The following PKP4 variants were observed in gnomAD, a reference collection of about 807,000 sequenced individuals.
PKP4 encodes the protein plakophilin-4.
In PKP4, 90 loss-of-function variants were observed where a neutral mutation model predicts 145.1. The ratio of observed to expected loss-of-function variants is 0.62; its 90% CI spans 0.52 to 0.74. The LOEUF (loss-of-function observed/expected upper bound fraction) is 0.74. PKP4 is among the 30% of genes least tolerant of loss of function. The pLI is 0.00. For missense variants in PKP4, 1,340 were observed against 1,482.7 expected, an observed-to-expected ratio of 0.90 and a Z score of 1.58; for synonymous variants, 563 against 577.2, an observed-to-expected ratio of 0.98 and a Z score of 0.35.
chr2:158,491,816 G>A (rs2105466385), intron 1 of PKP4, among the ~76,000 whole-genome samples: 1 of 151,600 alleles, frequency 6.6e-6, no homozygotes, highest in South Asian at 2.1e-4. Flanking sequence ...TTATTTTTGA[G>A]ACAGGTTCTC....
intron 3 of PKP4, among the ~76,000 whole-genome samples, chr2:158,585,997 A>G (rs1030656635): frequency 6.6e-6 from 1 of 151,594 alleles, no homozygotes; most frequent in African/African-American, 2.4e-5. Flanking sequence ...TATTCTCAAC[A>G]TTTCTAATAA....
At chr2:158,626,972 T>G (rs1167883842) in intron 7 of PKP4, among the ~76,000 whole-genome samples, 1 of 152,206 alleles carries the variant, frequency 6.6e-6, no homozygotes, top group Non-Finnish European at 1.5e-5. Context: ...CATTCTTACA[T>G]AGTAAAATTA....
At chr2:158,657,132 G>T (rs939161442) in intron 11 of PKP4, among the ~76,000 whole-genome samples, 9 of 152,122 alleles carry the variant, frequency 5.9e-5, no homozygotes, top group African/African-American at 7.2e-5. Context: ...GTAGGACTCT[G>T]GGGGGGACTT....
intron 11 of PKP4, among the ~76,000 whole-genome samples, chr2:158,652,491 C>T (rs72942767): frequency 0.049 from 7,516 of 152,226 alleles, 260 homozygotes; most frequent in Middle Eastern, 0.099. Context: ...TCAAGGGCAG[C>T]TGCATAGAGA....
chr2:158,489,577 G>A (rs1415477036), intron 1 of PKP4, among the ~76,000 whole-genome samples: 1 of 152,176 alleles, frequency 6.6e-6, no homozygotes, highest in Middle Eastern at 3.2e-3. Flanking sequence ...GCCCCCTGCA[G>A]CTGCCTTAGC....
chr2:158,542,880 A>G (rs2044647159), intron 2 of PKP4, among the ~76,000 whole-genome samples: 1 of 152,220 alleles, frequency 6.6e-6, no homozygotes, highest in Non-Finnish European at 1.5e-5. Context: ...GTAAGATATG[A>G]GAATCAGTGA....
At chr2:158,566,879 A>C (rs948232919) in intron 2 of PKP4, among the ~76,000 whole-genome samples, 1 of 152,194 alleles carries the variant, frequency 6.6e-6, no homozygotes, top group African/African-American at 2.4e-5. Context: ...TATACATTCT[A>C]CATTTTAGGA....
In PKP4 at chr2:158,674,335, A is replaced by C. The variant is rs550398991; in HGVS notation, c.3127+335A>C. 2.0e-5 allele frequency among the ~76,000 whole-genome samples: 3 copies of C among 152,320 alleles called. No individual in the cohort carries two copies. The East Asian group carries it at 5.8e-4, about 29-fold the overall frequency. On this transcript the variant is annotated intron_variant, in intron 19 of 21. Coordinates refer to ENST00000389759, the MANE Select transcript of PKP4 (RefSeq NM_003628.6). Reference sequence around the variant, plus strand: ...AGTGGAGGGCCACACTTCGAGACGCACTGGGTTATGCCTGAAAGTGGCTGC... The same window carrying C: ...AGTGGAGGGCCACACTTCGAGACGCCCTGGGTTATGCCTGAAAGTGGCTGC...
At chr2:158,467,137 T>C (rs902219853) in intron 1 of PKP4, among the ~76,000 whole-genome samples, 1 of 152,230 alleles carries the variant, frequency 6.6e-6, no homozygotes, top group Non-Finnish European at 1.5e-5. Context: ...AGAAATATTC[T>C]TATACATTTT....
intron 2 of PKP4, among the ~76,000 whole-genome samples, chr2:158,567,422 C>T (rs2047079913): frequency 6.6e-6 from 1 of 152,182 alleles, no homozygotes; most frequent in Non-Finnish European, 1.5e-5. Flanking sequence ...GGTCTTAAAA[C>T]AAGGCTGAGT....
Position 158,590,437 on chromosome 2 carries a change from G to A in PKP4, c.246-12633G>A, listed in dbSNP as rs1434209439. ...TTATTTTAGGATCCTATGATGTGTA[G>A]TCTTTGCTTCAGTCCAAGTCAATTA... On this transcript the variant is annotated intron_variant, in intron 3 of 21. Transcript: ENST00000389759. Among the ~76,000 whole-genome samples, 3 of 148,348 alleles carry A rather than the reference G, an allele frequency of 2.0e-5. No individual in the cohort carries two copies. In the Admixed American group the frequency reaches 2.1e-4, roughly 10 times the overall value.
chr2:158,629,132 G>A (rs2053104236), intron 7 of PKP4, among the ~76,000 whole-genome samples: 1 of 152,208 alleles, frequency 6.6e-6, no homozygotes, highest in Admixed American at 6.5e-5. Flanking sequence ...TGCCTAAAAA[G>A]CTGAAATCCT....
chr2:158,677,150 G>C (rs1229820837), intron 20 of PKP4: 2 of 406,310 alleles, frequency 4.9e-6, no homozygotes, highest in Non-Finnish European at 9.4e-6. Flanking sequence ...GCTGCTCACT[G>C]GCACAGTCCC....
intron 2 of PKP4, among the ~76,000 whole-genome samples, chr2:158,547,167 C>A (rs76400945): frequency 0.19 from 29,481 of 152,064 alleles, 3,727 homozygotes; most frequent in Middle Eastern, 0.35. Flanking sequence ...CCCAGCAGTT[C>A]TCCTGGGTCA....
chr2:158,640,861 T>G, intron 10 of PKP4, 102 bp downstream of exon 10: 1 of 1,287,444 alleles, frequency 7.8e-7, no homozygotes, highest in Non-Finnish European at 1.1e-6. Flanking sequence ...AATTCAAGAG[T>G]CTTTTTAAAG....
At chr2:158,586,211 A>T (rs1005018368) in intron 3 of PKP4, among the ~76,000 whole-genome samples, 1 of 152,108 alleles carries the variant, frequency 6.6e-6, no homozygotes, top group Non-Finnish European at 1.5e-5. Flanking sequence ...GGCTCTTATG[A>T]ATAGTGCTGC....
rs929530491 is a variant in PKP4 at position 158,606,962 on chromosome 2, C to T, written c.280+3858C>T. Among the ~76,000 whole-genome samples the T allele has an allele frequency of 8.5e-5, 13 of 152,176 alleles. No homozygotes were observed. The East Asian group carries it at 2.5e-3, about 29-fold the overall frequency. On this transcript the variant is annotated intron_variant, in intron 4 of 21. Coordinates refer to ENST00000389759, the MANE Select transcript of PKP4 (RefSeq NM_003628.6). ...ACGTATTTACCCATATCTCTAGTAT[C>T]GGACATTCAGATTTTTTCTTATTTT...
intron 4 of PKP4, among the ~76,000 whole-genome samples, chr2:158,605,100 T>C (rs1366873299): frequency 1.3e-5 from 2 of 152,214 alleles, no homozygotes; most frequent in Admixed American, 1.3e-4. Flanking sequence ...GTCTGCTCTG[T>C]TCAACAAAGT....
chr2:158,596,083 G>A (rs1029559579), intron 3 of PKP4, among the ~76,000 whole-genome samples: 33 of 150,354 alleles, frequency 2.2e-4, no homozygotes, highest in African/African-American at 7.9e-4. Context: ...AGTAGACTTA[G>A]CTAGAACTTC....
Sources: gnomAD v4.1 joint callset for allele counts (sites outside exome capture counted in the v4.1 genomes callset) on GRCh38, gnomAD v4.1.1 for gene constraint, MANE v1.5 for transcripts, NCBI Gene and HGNC (gene_info 2026-07-23, HGNC 2026-07-21) for gene names.